The following SPON2 variants were observed in gnomAD, a reference collection of about 807,000 sequenced individuals.
SPON2 encodes the protein spondin-2.
Under a neutral mutation model 29.9 loss-of-function variants are expected in SPON2, and 32 were observed. The observed-to-expected ratio is 1.07, with a 90% CI of 0.81 to 1.44. The LOEUF (loss-of-function observed/expected upper bound fraction) is 1.44. SPON2 is among the 40% of genes most tolerant of loss of function. The pLI is 0.00. For synonymous variants in SPON2, 248 were observed against 209.1 expected (o/e 1.19, Z -1.61); for missense variants, 541 against 455.5 (o/e 1.19, Z -1.71).
upstream of SPON2, among the ~76,000 whole-genome samples, chr4:1,176,826 ATTCATTCACACAG>A (rs922428516): frequency 4.6e-5 from 7 of 151,594 alleles, no homozygotes; most frequent in East Asian, 1.9e-4. Flanking sequence ...CAGTTCATTC[ATTCATTCACACAG>A]TTCATTCACA....
At chr4:1,177,396 T>C (rs781173029), upstream of SPON2, among the ~76,000 whole-genome samples, 27 of 152,212 alleles carry the variant, frequency 1.8e-4, no homozygotes, top group Non-Finnish European at 3.8e-4. Flanking sequence ...AAGGTTGGAC[T>C]TTTGGACAAC....
upstream of SPON2, among the ~76,000 whole-genome samples, chr4:1,174,103 G>A (rs909517174): frequency 3.3e-5 from 5 of 152,210 alleles, no homozygotes; most frequent in Admixed American, 6.5e-5. Flanking sequence ...AGGAGACTGT[G>A]TCTGTGGTCC....
chr4:1,188,202 C>CAAAAAAAAAAAAAAAAAAAAA (rs1164276990), intron 1 of SPON2, among the ~76,000 whole-genome samples: 1 of 36,582 alleles, frequency 2.7e-5, no homozygotes, highest in Non-Finnish European at 5.3e-5. Flanking sequence ...GACTCCGTCT[C>CAAAAAAAAAAAAAAAAAAAAA]AAAAAAAAAA....
In SPON2 at chr4:1,171,174, C is replaced by T. The variant is rs1235008663; in HGVS notation, c.461G>A (p.Arg154His). 3.2e-6 allele frequency: 5 copies of T among 1,544,430 alleles called. No homozygotes were observed. In the African/African-American group the frequency reaches 6.9e-5, roughly 21 times the overall value. Residue 154 changes from arginine to histidine, a missense_variant, in exon 4 of 6, where the codon CGC (arginine) becomes CAC (histidine). Physicochemically the swap from Arg to His is conservative, Grantham distance 29. Coordinates refer to ENST00000290902, the MANE Select transcript of SPON2 (RefSeq NM_012445.4). ...RRHSLVSFVV[R>H]IVPSPDWFVG... ...GAACCAGTCGGGGCTGGGCACGATG[C>T]GCACCACAAACGAGACCTGCGGCGA... is the stretch of plus-strand genomic sequence containing the variant.
chr4:1,183,618 T>A (rs146537135), intron 1 of SPON2, among the ~76,000 whole-genome samples: 1 of 152,344 alleles, frequency 6.6e-6, no homozygotes, highest in East Asian at 1.9e-4. Context: ...TTTAAAATTA[T>A]TAATTTATGT....
In SPON2 at chr4:1,171,150, A is replaced by G; in HGVS notation, c.485T>C (p.Phe162Ser). ...VVRIVPSPDW[F>S]VGVDSLDLCD... is the part of the protein sequence containing the mutation. The stretch of plus-strand genomic sequence containing the variant: ...CAGGTCCAGGCTGTCCACGCCCACG[A>G]ACCAGTCGGGGCTGGGCACGATGCG... Residue 162 changes from phenylalanine (F) to serine (S), a missense_variant, in exon 4 of 6, where the codon TTC becomes TCC. Transcript: ENST00000290902. The G allele has an allele frequency of 1.3e-6, 2 of 1,553,628 alleles. No homozygotes were observed. The highest frequency in any genetic ancestry group is 2.4e-5 in the East Asian group (1 of 41,296).
At chr4:1,191,918 A>G (rs777532115) in intron 1 of SPON2, among the ~76,000 whole-genome samples, 42 of 152,192 alleles carry the variant, frequency 2.8e-4, no homozygotes, top group Non-Finnish European at 4.9e-4. Context: ...CCATAGGCCT[A>G]CACACCCAGC....
chr4:1,200,201 G>A (rs1728163505), intron 1 of SPON2, among the ~76,000 whole-genome samples: 1 of 152,136 alleles, frequency 6.6e-6, no homozygotes, highest in Admixed American at 6.5e-5. Flanking sequence ...GTGAGTTAAG[G>A]GGTGAGAAAC....
chr4:1,174,486 C>CAAA (rs59532169), upstream of SPON2, among the ~76,000 whole-genome samples: 92 of 94,226 alleles, frequency 9.8e-4, 1 homozygote, highest in African/African-American at 1.7e-3. Context: ...GACTCCATCT[C>CAAA]AAAAAAAAAA....
intron 1 of SPON2, among the ~76,000 whole-genome samples, chr4:1,181,307 G>C (rs963576206): frequency 2.0e-5 from 3 of 152,146 alleles, no homozygotes; most frequent in African/African-American, 7.2e-5. Flanking sequence ...GTGAAATTAA[G>C]ACATTCTCAG....
At position 1,207,401 on chromosome 4, in the gene SPON2, G is replaced by A. The variant is rs78256353; in HGVS notation, c.-234+479C>T. Among the ~76,000 whole-genome samples, 949 of 152,302 alleles carry A rather than the reference G, an allele frequency of 6.2e-3. 10 individuals carry two copies. The highest frequency in any genetic ancestry group is 0.02 in the African/African-American group (838 of 41,560). On this transcript the variant is annotated intron_variant, in intron 1 of 3. Transcript: ENST00000509233. The stretch of plus-strand genomic sequence containing the variant: ...AGCTTGCATCAGGGACCTGGATAGT[G>A]AGTGGCGAGCCCTCCACAGTGGGAT...
intron 1 of SPON2, among the ~76,000 whole-genome samples, chr4:1,193,822 T>G (rs979372214): frequency 8.0e-3 from 66 of 8,288 alleles, no homozygotes; most frequent in Admixed American, 0.026. Flanking sequence ...CGTGGGGGGG[T>G]GGCGTGGGAA....
At chr4:1,170,945 C>CG in intron 4 of SPON2, 54 bp downstream of exon 4, 1 of 1,541,798 alleles carries the variant, frequency 6.5e-7, no homozygotes, top group African/African-American at 1.4e-5. Context: ...GCCCCAGCCC[C>CG]GTCCCCACCG....
chr4:1,190,001 A>G (rs1436484656), intron 1 of SPON2, among the ~76,000 whole-genome samples: 1 of 151,906 alleles, frequency 6.6e-6, no homozygotes, highest in Non-Finnish European at 1.5e-5. Context: ...AAAAAAAAAA[A>G]AAAAAAGTTG....
In SPON2 at chr4:1,171,019, G is replaced by A; in HGVS notation, c.616C>T (p.Pro206Ser). The change falls in exon 4 of 6, where the codon CCG (proline) becomes TCG (serine). Residue 206 changes from proline to serine, a missense_variant. Pro to Ser is a moderately conservative substitution (Grantham distance 74). Coordinates refer to ENST00000290902, the MANE Select transcript of SPON2 (RefSeq NM_012445.4). ...CTCACCTCGGTCACCGTGTCCTGCG[G>A]GATGGTGGCGAAGTTGGGGGAGGAG... ...TFSSPNFATIPQDTVTEITSS... is the reference protein window; with the variant it reads ...TFSSPNFATISQDTVTEITSS... 2 of 1,549,006 alleles carry A rather than the reference G, an allele frequency of 1.3e-6. No individual in the cohort carries two copies. Among genetic ancestry groups the A allele is most frequent in the African/African-American group, 2.7e-5 (2 of 73,112 alleles).
upstream of SPON2, chr4:1,199,461 A>C (rs1423101299): frequency 1.3e-5 from 2 of 152,308 alleles, no homozygotes; most frequent in Non-Finnish European, 2.9e-5. The surrounding 1 kb of genome is among the most constrained non-coding windows in gnomAD (Gnocchi z 4.5). Context: ...AAATATACAA[A>C]AATTAGTAAC....
intron 1 of SPON2, among the ~76,000 whole-genome samples, chr4:1,186,993 A>G (rs1727819026): frequency 6.6e-6 from 1 of 152,228 alleles, no homozygotes; most frequent in Non-Finnish European, 1.5e-5. Flanking sequence ...TTAGAAATAG[A>G]ATGACTGTAT....
chr4:1,171,393 G>A lies in SPON2; in HGVS notation c.314C>T (p.Ala105Val), dbSNP rs1284348427. The part of the protein sequence containing the change: ...RDFAERGEAW[A>V]LMKEIEAAGE... ...CGCCGCCTCGATCTCCTTCATCAGC[G>A]CCCAGGCCTCGCCGCGCTCCGCAAA... The change falls in exon 3 of 6, where the codon GCG (alanine) becomes GTG (valine). Residue 105 changes from alanine to valine, a missense_variant. Ala to Val is a moderately conservative substitution (Grantham distance 64, BLOSUM62 0). Coordinates refer to ENST00000290902, the MANE Select transcript of SPON2 (RefSeq NM_012445.4). 4 of 1,612,120 alleles carry A rather than the reference G, an allele frequency of 2.5e-6. No individual in the cohort carries two copies. Among genetic ancestry groups the A allele is most frequent in the African/African-American group, 1.3e-5 (1 of 74,890 alleles).
intron 4 of SPON2, 128 bp downstream of exon 4, chr4:1,170,871 A>G: frequency 7.6e-7 from 1 of 1,308,236 alleles, no homozygotes; most frequent in East Asian, 2.5e-5. Flanking sequence ...CGCTAGAAGC[A>G]GAGCCTCTTC....
Sources: allele counts gnomAD v4.1 joint callset (sites outside exome capture counted in the v4.1 genomes callset), GRCh38; gene constraint gnomAD v4.1.1; non-coding constraint Gnocchi (gnomAD v3.1); transcripts MANE v1.5; gene names NCBI Gene and HGNC (gene_info 2026-07-23, HGNC 2026-07-21).